The following ATRNL1 variants were observed in gnomAD, a reference collection of about 807,000 sequenced individuals.
ATRNL1 encodes attractin like 1.
Under a neutral mutation model 182.7 loss-of-function variants are expected in ATRNL1, and 95 were observed. The ratio of observed to expected loss-of-function variants is 0.52; its 90% confidence interval spans 0.44 to 0.62. The LOEUF is 0.62. Among genes scored for constraint, ATRNL1 ranks in the 20% least tolerant of loss-of-function variants. The pLI, the probability that ATRNL1 is intolerant of heterozygous loss-of-function variation, is 0.00. For missense variants in ATRNL1, 1,471 were observed against 1,679.5 expected (o/e 0.88, Z 2.17); for synonymous variants, 576 against 568.3 (o/e 1.01, Z -0.19).
At chr10:115,423,841 C>CT (rs1477988289) in intron 20 of ATRNL1, among the ~76,000 whole-genome samples, 27 of 152,146 alleles carry the variant, frequency 1.8e-4, no homozygotes, top group Non-Finnish European at 1.9e-4. Context: ...GGAGGTAACA[C>CT]TTTATTACAT....
intron 26 of ATRNL1, among the ~76,000 whole-genome samples, chr10:115,618,293 A>G (rs1857545030): frequency 6.6e-6 from 1 of 152,106 alleles, no homozygotes; most frequent in Non-Finnish European, 1.5e-5. Flanking sequence ...TATTCCTCAG[A>G]GAAGACCTTT....
rs189669222 is a variant in ATRNL1 at position 115,484,778 on chromosome 10, C to T, written c.3654+15449C>T. ...ATATTTTACAGTTCAAAAATCTTTCCGTTTTTAGACTATTCAAATAATATG... is the reference window on the plus strand; with the variant it reads ...ATATTTTACAGTTCAAAAATCTTTCTGTTTTTAGACTATTCAAATAATATG... On this transcript the variant is annotated intron_variant, in intron 24 of 28. Transcript: ENST00000355044. Among the ~76,000 whole-genome samples the T allele has an allele frequency of 3.5e-4, 53 of 151,878 alleles. 1 individual carries two copies. The highest frequency in any genetic ancestry group is 3.4e-3 in the Middle Eastern group (1 of 294).
chr10:115,612,985 C>G (rs186328642), intron 26 of ATRNL1, among the ~76,000 whole-genome samples: 2 of 152,318 alleles, frequency 1.3e-5, no homozygotes, highest in East Asian at 3.9e-4. Context: ...CTGGTATGAT[C>G]TTGTCCTGAT....
At chr10:115,699,258 C>T (rs1423741225) in intron 26 of ATRNL1, among the ~76,000 whole-genome samples, 3 of 151,902 alleles carry the variant, frequency 2.0e-5, no homozygotes, top group Non-Finnish European at 4.4e-5. Context: ...ATTCCCATTG[C>T]AACATGTTTT....
At chr10:115,369,252 G>A (rs985011246) in intron 19 of ATRNL1, among the ~76,000 whole-genome samples, 4 of 150,894 alleles carry the variant, frequency 2.7e-5, no homozygotes, top group Admixed American at 6.6e-5. Context: ...GATGAGGATA[G>A]GGGTTGTGTG....
At chr10:115,233,149 GT>G (rs1850030506) in intron 9 of ATRNL1, among the ~76,000 whole-genome samples, 1 of 151,994 alleles carries the variant, frequency 6.6e-6, no homozygotes. Flanking sequence ...TGGCCTTCTT[GT>G]AAGGACACCA....
intron 5 of ATRNL1, among the ~76,000 whole-genome samples, chr10:115,156,254 G>T (rs574852226): frequency 6.6e-6 from 1 of 152,220 alleles, no homozygotes; most frequent in South Asian, 2.1e-4. Flanking sequence ...TTGTGGGTTG[G>T]TTGTATGGGG....
chr10:115,402,738 G>A (rs1334749332), intron 20 of ATRNL1, among the ~76,000 whole-genome samples: 1 of 152,074 alleles, frequency 6.6e-6, no homozygotes, highest in Non-Finnish European at 1.5e-5. Flanking sequence ...GATCTTAATT[G>A]TGCTAATTAA....
intron 25 of ATRNL1, among the ~76,000 whole-genome samples, chr10:115,535,301 T>G (rs1228323463): frequency 5.3e-5 from 8 of 152,126 alleles, no homozygotes; most frequent in Non-Finnish European, 7.4e-5. Flanking sequence ...GAGGCTTTGT[T>G]CGTTTCTTTT....
At chr10:115,667,274 A>G (rs781932210) in intron 26 of ATRNL1, among the ~76,000 whole-genome samples, 35 of 152,188 alleles carry the variant, frequency 2.3e-4, no homozygotes, top group Admixed American at 2.0e-3. Context: ...AACCCAAGGT[A>G]TATCAGTTAT....
chr10:115,884,010 T>G (rs1871642), intron 28 of ATRNL1, among the ~76,000 whole-genome samples: 140,541 of 152,256 alleles, frequency 0.92, 65,854 homozygotes, highest in East Asian at 1. Flanking sequence ...AGGAAAGAAT[T>G]GCGTGCATTT....
chr10:115,192,745 A>G (rs1264509772), intron 8 of ATRNL1, among the ~76,000 whole-genome samples: 6 of 151,562 alleles, frequency 4.0e-5, no homozygotes, highest in African/African-American at 1.5e-4. Context: ...AATTTCTTTC[A>G]TCAGTGTCTT....
At chr10:115,745,801 T>C (rs1339975750) in intron 27 of ATRNL1, among the ~76,000 whole-genome samples, 1 of 152,110 alleles carries the variant, frequency 6.6e-6, no homozygotes, top group African/African-American at 2.4e-5. Context: ...TGGCTACCCA[T>C]TTATAGGTAT....
intron 28 of ATRNL1, among the ~76,000 whole-genome samples, chr10:115,899,065 G>A (rs1019257761): frequency 6.6e-6 from 1 of 151,068 alleles, no homozygotes; most frequent in African/African-American, 2.4e-5. Flanking sequence ...CCATTAACTC[G>A]TCATTTACAT....
At chr10:115,515,584 GTCT>G (rs1554983718) in intron 24 of ATRNL1, among the ~76,000 whole-genome samples, 2 of 151,642 alleles carry the variant, frequency 1.3e-5, no homozygotes, top group Non-Finnish European at 3.0e-5. Context: ...AATGTTTATT[GTCT>G]TCTTTTTAAA....
At chr10:115,153,382 C>T (rs1846339734) in intron 5 of ATRNL1, among the ~76,000 whole-genome samples, 1 of 152,074 alleles carries the variant, frequency 6.6e-6, no homozygotes, top group South Asian at 2.1e-4. Flanking sequence ...TTAATTATTG[C>T]CTCAATTTCA....
At chr10:115,323,598 C>CTAAATA (rs1219383730) in intron 18 of ATRNL1, among the ~76,000 whole-genome samples, 3 of 151,596 alleles carry the variant, frequency 2.0e-5, no homozygotes, top group African/African-American at 4.8e-5. Context: ...GCATGTGCCA[C>CTAAATA]CACACCTGAC....
At chr10:115,328,884 C>T (rs1554934209) in intron 18 of ATRNL1, among the ~76,000 whole-genome samples, 2 of 151,884 alleles carry the variant, frequency 1.3e-5, no homozygotes, top group Admixed American at 1.3e-4. Flanking sequence ...TAGGTTGATC[C>T]TATATTTTGG....
At chr10:115,631,259 A>C (rs1410257798) in intron 26 of ATRNL1, among the ~76,000 whole-genome samples, 1 of 152,082 alleles carries the variant, frequency 6.6e-6, no homozygotes, top group African/African-American at 2.4e-5. Context: ...ATATGAAGGG[A>C]TAGATTTATT....
Sources: gnomAD v4.1 joint callset for allele counts (sites outside exome capture counted in the v4.1 genomes callset) on GRCh38, gnomAD v4.1.1 for gene constraint, MANE v1.5 for transcripts, NCBI Gene and HGNC (gene_info 2026-07-23, HGNC 2026-07-21) for gene names.